The following PALLD variants were observed in gnomAD, a reference collection of about 807,000 sequenced individuals.
PALLD encodes the protein palladin, cytoskeletal associated protein, also known as palladin.
PALLD carries 61 observed loss-of-function variants against 123.5 expected under a neutral mutation model. The observed-to-expected ratio is 0.49, with a 90% confidence interval of 0.40 to 0.61. PALLD has a LOEUF of 0.61. Among genes scored for constraint, PALLD ranks in the 20% least tolerant of loss-of-function variants. The probability of loss-of-function intolerance (pLI) is 0.00; values close to 1 mark genes in which losing one functional copy is unlikely to be tolerated. For missense variants in PALLD, 1,273 were observed against 1,377.0 expected (o/e 0.92, Z 1.20); for synonymous variants, 465 against 496.4 (o/e 0.94, Z 0.84).
chr4:168,705,941 C>T (rs924036761), intron 8 of PALLD, among the ~76,000 whole-genome samples: 11 of 152,140 alleles, frequency 7.2e-5, no homozygotes, highest in African/African-American at 2.7e-4. Flanking sequence ...CTGCGCCTGG[C>T]CTTAAATTAC....
chr4:168,579,483 G>C (rs529112108), intron 2 of PALLD, among the ~76,000 whole-genome samples: 18 of 151,840 alleles, frequency 1.2e-4, no homozygotes, highest in Admixed American at 1.1e-3. Context: ...GCAATACAGC[G>C]CACAAATATG....
chr4:168,811,430 G>A (rs938210100), intron 10 of PALLD, among the ~76,000 whole-genome samples: 1 of 152,080 alleles, frequency 6.6e-6, no homozygotes, highest in African/African-American at 2.4e-5. Context: ...TAATCAGTAG[G>A]TATTCAAAAA....
intron 10 of PALLD, among the ~76,000 whole-genome samples, chr4:168,726,594 G>A (rs1336959367): frequency 6.6e-6 from 1 of 151,784 alleles, no homozygotes; most frequent in Admixed American, 6.6e-5. Context: ...TGTTGCCCAG[G>A]CTGGTTTCAA....
At chr4:168,681,201 C>T (rs1580933325) in intron 3 of PALLD, 131 bp from the exon 4 acceptor site, 1 of 643,330 alleles carries the variant, frequency 1.6e-6, no homozygotes, top group East Asian at 2.9e-5. Flanking sequence ...GCCTGAATCA[C>T]TCTATTTTAT....
intron 17 of PALLD, among the ~76,000 whole-genome samples, chr4:168,919,164 G>A (rs566868534): frequency 2.1e-3 from 325 of 152,238 alleles, no homozygotes; most frequent in Non-Finnish European, 3.8e-3. Context: ...GCCATTAAAA[G>A]AATATTGGAA....
Position 168,894,735 on chromosome 4 carries a change from T to C in PALLD, c.2199+58T>C. ...ATTTATTCTGTCCCCCTTTTCCATC[T>C]TCCTTATGGATACTGTTCTTGGGAT... On this transcript the variant is annotated intron_variant, in intron 12 of 21. Coordinates refer to ENST00000505667, the MANE Select transcript of PALLD (RefSeq NM_001166108.2). The C allele has an allele frequency of 4.4e-6, 7 of 1,580,202 alleles. No individual in the cohort carries two copies. The Admixed American group carries it at 5.4e-5, about 12-fold the overall frequency.
intron 8 of PALLD, among the ~76,000 whole-genome samples, chr4:168,696,950 G>T (rs1201231730): frequency 6.6e-6 from 1 of 152,128 alleles, no homozygotes; most frequent in Admixed American, 6.5e-5. Flanking sequence ...TCAATTGCCA[G>T]ATGGAAAAAT....
chr4:168,586,130 C>T (rs1374980642), intron 2 of PALLD, among the ~76,000 whole-genome samples: 1 of 140,514 alleles, frequency 7.1e-6, no homozygotes, highest in Non-Finnish European at 1.5e-5. Flanking sequence ...TACTACATCG[C>T]TTCTCCAGGT....
intron 10 of PALLD, among the ~76,000 whole-genome samples, chr4:168,789,037 T>C (rs1000233290): frequency 6.6e-6 from 1 of 152,226 alleles, no homozygotes; most frequent in Non-Finnish European, 1.5e-5. Context: ...TTTATAATTG[T>C]ATGATCTATG....
chr4:168,643,921 G>A (rs1777191917), intron 2 of PALLD, among the ~76,000 whole-genome samples: 2 of 152,008 alleles, frequency 1.3e-5, no homozygotes, highest in South Asian at 2.1e-4. Flanking sequence ...TTCATTCATG[G>A]AGGAAATGAC....
At chr4:168,534,801 G>T (rs555043163) in intron 2 of PALLD, among the ~76,000 whole-genome samples, 1 of 152,066 alleles carries the variant, frequency 6.6e-6, no homozygotes, top group African/African-American at 2.4e-5. Context: ...ATCCTCTATA[G>T]CTACTAGAAC....
chr4:168,601,952 G>A (rs1173224164), intron 2 of PALLD, among the ~76,000 whole-genome samples: 1 of 151,940 alleles, frequency 6.6e-6, no homozygotes, highest in African/African-American at 2.4e-5. Context: ...GCCTTCTAAG[G>A]GCCAACTTCC....
intron 2 of PALLD, among the ~76,000 whole-genome samples, chr4:168,577,331 A>C (rs1021844805): frequency 3.3e-5 from 5 of 152,146 alleles, no homozygotes; most frequent in African/African-American, 1.2e-4. Context: ...CTACCGACTA[A>C]GTTAGGTTAT....
At chr4:168,510,039 T>A (rs1474649952) in intron 1 of PALLD, among the ~76,000 whole-genome samples, 1 of 152,168 alleles carries the variant, frequency 6.6e-6, no homozygotes, top group Non-Finnish European at 1.5e-5. Context: ...CCCACCAAGT[T>A]TACTCCTGAC....
chr4:168,568,887 G>A (rs1444268371), intron 2 of PALLD, among the ~76,000 whole-genome samples: 3 of 151,852 alleles, frequency 2.0e-5, no homozygotes, highest in Non-Finnish European at 2.9e-5. Context: ...GTTGGGGTGT[G>A]TGAGTTGTTC....
chr4:168,625,504 T>TAGATAG (rs769777583), intron 2 of PALLD, among the ~76,000 whole-genome samples: 72 of 135,810 alleles, frequency 5.3e-4, no homozygotes, highest in East Asian at 8.9e-4. Flanking sequence ...ATCCAGGAGA[T>TAGATAG]ATATATATAT....
At chr4:168,731,611 A>G (rs1787177636) in intron 10 of PALLD, among the ~76,000 whole-genome samples, 2 of 152,226 alleles carry the variant, frequency 1.3e-5, no homozygotes, top group Non-Finnish European at 2.9e-5. Context: ...TTGTTATTTG[A>G]CGCACATATA....
chr4:168,886,933 A>G (rs544139769), intron 10 of PALLD, among the ~76,000 whole-genome samples: 31 of 151,986 alleles, frequency 2.0e-4, no homozygotes, highest in African/African-American at 7.5e-4. Flanking sequence ...CCTGACCAAC[A>G]TGGTGAAACC....
chr4:168,918,892 C>G (rs1462497609), intron 17 of PALLD, among the ~76,000 whole-genome samples: 1 of 151,742 alleles, frequency 6.6e-6, no homozygotes, highest in Non-Finnish European at 1.5e-5. Flanking sequence ...TTAGATTATA[C>G]CAAAGAATTA....
Sources: allele counts gnomAD v4.1 joint callset (sites outside exome capture counted in the v4.1 genomes callset), GRCh38; gene constraint gnomAD v4.1.1; transcripts MANE v1.5; gene names NCBI Gene and HGNC (gene_info 2026-07-23, HGNC 2026-07-21).